The following CHCHD3 variants were observed in gnomAD, a reference collection of about 807,000 sequenced individuals.
CHCHD3 encodes coiled-coil-helix-coiled-coil-helix domain containing 3, also known as MICOS complex subunit MIC19.
Under a neutral mutation model 38.2 loss-of-function variants are expected in CHCHD3, and 20 were observed. That is an observed-to-expected ratio of 0.52 (90% CI 0.37 to 0.76). CHCHD3 has a LOEUF of 0.76. Ranked by LOEUF, CHCHD3 falls within the 30% of genes least tolerant of loss-of-function variation. The probability of loss-of-function intolerance (pLI) is 0.00; values close to 1 mark genes in which losing one functional copy is unlikely to be tolerated. For missense variants in CHCHD3, 245 were observed against 279.2 expected (o/e 0.88, Z 0.87); for synonymous variants, 82 against 100.0 (o/e 0.82, Z 1.07).
At chr7:132,932,779 C>T (rs1404825600) in intron 4 of CHCHD3, among the ~76,000 whole-genome samples, 2 of 152,202 alleles carry the variant, frequency 1.3e-5, no homozygotes, top group African/African-American at 4.8e-5. Context: ...TCCACCTGAG[C>T]TCCTCTTCTA....
At chr7:133,022,136 A>G (rs978308326) in intron 3 of CHCHD3, among the ~76,000 whole-genome samples, 20 of 152,240 alleles carry the variant, frequency 1.3e-4, no homozygotes, top group African/African-American at 3.9e-4. Context: ...AAGGGTTACA[A>G]TGATAATAGA....
chr7:133,009,504 C>T (rs1584639946), intron 3 of CHCHD3, among the ~76,000 whole-genome samples: 2 of 149,304 alleles, frequency 1.3e-5, no homozygotes, highest in Admixed American at 1.3e-4. Flanking sequence ...GAGGGGGGCA[C>T]GAGGAGAGAA....
intron 6 of CHCHD3, among the ~76,000 whole-genome samples, chr7:132,834,463 T>C (rs1807726285): frequency 1.3e-5 from 2 of 152,144 alleles, no homozygotes; most frequent in African/African-American, 4.8e-5. Flanking sequence ...ATGGAGTTAG[T>C]CAAAACGCAA....
At chr7:132,892,873 C>G (rs1419937436) in intron 4 of CHCHD3, among the ~76,000 whole-genome samples, 1 of 152,228 alleles carries the variant, frequency 6.6e-6, no homozygotes, top group Non-Finnish European at 1.5e-5. Context: ...GAACCTCCAC[C>G]TAGATTTCAG....
intron 4 of CHCHD3, among the ~76,000 whole-genome samples, chr7:132,946,617 T>C (rs562920882): frequency 6.6e-6 from 1 of 152,006 alleles, no homozygotes; most frequent in East Asian, 1.9e-4. Context: ...ATATATTCCA[T>C]TTTTAATTAG....
intron 6 of CHCHD3, among the ~76,000 whole-genome samples, chr7:132,811,556 C>A (rs1051904064): frequency 6.6e-6 from 1 of 152,230 alleles, no homozygotes; most frequent in African/African-American, 2.4e-5. Context: ...TCCATCCATT[C>A]TTTTCTATCC....
chr7:132,823,897 T>C (rs576788515), intron 6 of CHCHD3, among the ~76,000 whole-genome samples: 71 of 152,318 alleles, frequency 4.7e-4, no homozygotes, highest in African/African-American at 1.6e-3. Context: ...TTTCAATTGG[T>C]ATGAAAAGAT....
At chr7:132,834,983 T>TATTTATTC (rs1554497800) in intron 6 of CHCHD3, among the ~76,000 whole-genome samples, 10 of 139,950 alleles carry the variant, frequency 7.1e-5, no homozygotes, top group African/African-American at 2.3e-4. Flanking sequence ...TTTATTTATT[T>TATTTATTC]ATTTAGAGAC....
intron 5 of CHCHD3, among the ~76,000 whole-genome samples, chr7:132,851,513 T>TC (rs1808219248): frequency 6.6e-6 from 1 of 152,232 alleles, no homozygotes; most frequent in Non-Finnish European, 1.5e-5. Context: ...TCATCCACAC[T>TC]CACCTTTTGG....
intron 4 of CHCHD3, among the ~76,000 whole-genome samples, chr7:132,921,031 G>C (rs1004368755): frequency 6.6e-6 from 1 of 152,120 alleles, no homozygotes. Context: ...AATTGATAGA[G>C]GTTATTTTCC....
chr7:132,986,424 GA>G (rs59151340), intron 3 of CHCHD3, among the ~76,000 whole-genome samples: 78,863 of 131,138 alleles, frequency 0.6, 23,009 homozygotes, highest in Non-Finnish European at 0.69. Context: ...AAAGAAAAAA[GA>G]AAAAAAAAAA....
At chr7:133,044,922 G>A (rs536708855) in intron 2 of CHCHD3, among the ~76,000 whole-genome samples, 1 of 152,222 alleles carries the variant, frequency 6.6e-6, no homozygotes, top group African/African-American at 2.4e-5. Flanking sequence ...TCTGATCCAG[G>A]ATGCTGGCCT....
At chr7:132,896,429 T>C (rs1043682022) in intron 4 of CHCHD3, among the ~76,000 whole-genome samples, 3 of 152,184 alleles carry the variant, frequency 2.0e-5, no homozygotes, top group Non-Finnish European at 4.4e-5. Context: ...TGTGATTCCA[T>C]TATAACTTAC....
At chr7:133,080,653 G>A (rs1699231192) in intron 1 of CHCHD3, among the ~76,000 whole-genome samples, 1 of 152,150 alleles carries the variant, frequency 6.6e-6, no homozygotes, top group Non-Finnish European at 1.5e-5. Context: ...TACAGCCTCA[G>A]ATATTTTATT....
At chr7:132,893,578 G>T (rs1036778194) in intron 4 of CHCHD3, among the ~76,000 whole-genome samples, 1 of 152,182 alleles carries the variant, frequency 6.6e-6, no homozygotes, top group Non-Finnish European at 1.5e-5. Flanking sequence ...GGGCCAGGGT[G>T]GAATGACATG....
At chr7:132,957,150 G>C (rs1395484728) in intron 4 of CHCHD3, among the ~76,000 whole-genome samples, 1 of 152,196 alleles carries the variant, frequency 6.6e-6, no homozygotes, top group Non-Finnish European at 1.5e-5. Flanking sequence ...CTGGAGACCT[G>C]GAGGCTGGTT....
chr7:132,941,304 G>T (rs1490238061), intron 4 of CHCHD3, among the ~76,000 whole-genome samples: 1 of 152,112 alleles, frequency 6.6e-6, no homozygotes, highest in Non-Finnish European at 1.5e-5. Context: ...CCCTGCAAGG[G>T]TGCAGTTACT....
chr7:132,925,680 A>G (rs1419529043), intron 4 of CHCHD3, among the ~76,000 whole-genome samples: 26 of 152,136 alleles, frequency 1.7e-4, no homozygotes, highest in Admixed American at 7.2e-4. Flanking sequence ...ACACGTATAT[A>G]CCCCAGCTAT....
At chr7:132,992,597 T>C (rs6956407) in intron 3 of CHCHD3, among the ~76,000 whole-genome samples, 31,345 of 152,186 alleles carry the variant, frequency 0.21, 3,516 homozygotes, top group South Asian at 0.26. Flanking sequence ...TCATAAAATA[T>C]ACACTGGATT....
Sources: allele counts gnomAD v4.1 joint callset (sites outside exome capture counted in the v4.1 genomes callset), GRCh38; gene constraint gnomAD v4.1.1; transcripts MANE v1.5; gene names NCBI Gene and HGNC (gene_info 2026-07-23, HGNC 2026-07-21).